FBXL4: variants seen among roughly 807,000 people sequenced by gnomAD.
The protein encoded by FBXL4 is F-box and leucine rich repeat protein 4.
In FBXL4, 40 loss-of-function variants were observed where a neutral mutation model predicts 58.9. The ratio of observed to expected loss-of-function variants is 0.68; its 90% CI spans 0.53 to 0.88. The LOEUF (loss-of-function observed/expected upper bound fraction) is 0.88. Among genes scored for constraint, FBXL4 ranks in the 40% least tolerant of loss-of-function variants. The pLI is 0.00. For missense variants in FBXL4, 676 were observed against 734.4 expected, an observed-to-expected ratio of 0.92 and a Z score of 0.92; for synonymous variants, 263 against 265.5, an observed-to-expected ratio of 0.99 and a Z score of 0.09.
In FBXL4 at chr6:98,869,103, A is replaced by T. The variant is rs1403118868; in HGVS notation, c.*5175T>A. On this transcript the variant is annotated 3_prime_UTR_variant, in exon 10 of 10. Transcript: ENST00000369244. ...TACACTCACAGCCTAGGTTTCTAGTAGTATGTTGTCAAAAAAAGCAAATGA... is the reference window on the plus strand; with the variant it reads ...TACACTCACAGCCTAGGTTTCTAGTTGTATGTTGTCAAAAAAAGCAAATGA... The T allele has an allele frequency of 6.6e-6, 1 of 152,236 alleles. No homozygotes were observed. The highest frequency in any genetic ancestry group is 1.5e-5 in the Non-Finnish European group (1 of 68,046). 9.4% of individuals were successfully genotyped at this position (152,236 alleles called of 1,614,324 possible). A position where few individuals can be genotyped will look rare whatever the true frequency, so the allele number is the denominator to read the frequency against.
At chr6:98,943,213 A>G (rs1773496115) in intron 1 of FBXL4, among the ~76,000 whole-genome samples, 1 of 152,136 alleles carries the variant, frequency 6.6e-6, no homozygotes, top group African/African-American at 2.4e-5. Context: ...TATTTCTTAC[A>G]ACTGTATATG....
intron 3 of FBXL4, 141 bp from the exon 4 acceptor site, chr6:98,927,201 A>T (rs1376921050): frequency 2.1e-6 from 1 of 483,628 alleles, no homozygotes. Flanking sequence ...ACAAATGTGA[A>T]GTCTGGTATA....
At chr6:98,923,592 T>TC (rs994496333) in intron 4 of FBXL4, among the ~76,000 whole-genome samples, 7 of 152,046 alleles carry the variant, frequency 4.6e-5, no homozygotes, top group Non-Finnish European at 8.8e-5. Context: ...GTAAGTCACT[T>TC]CCCCAGGGAA....
chr6:98,944,349 G>T (rs1294796988), intron 1 of FBXL4, among the ~76,000 whole-genome samples: 1 of 152,092 alleles, frequency 6.6e-6, no homozygotes, highest in African/African-American at 2.4e-5. Flanking sequence ...TATGTAAAGA[G>T]CTATTACAAA....
chr6:98,905,638 T>C lies in FBXL4; in HGVS notation c.891A>G (p.Leu297=), dbSNP rs776516268. Reference sequence around the variant, plus strand: ...TCTGTGCTAATCTACACAGGTCTGGTAGTGTAAGATGATTCAGAATCAGCT... The same window carrying C: ...TCTGTGCTAATCTACACAGGTCTGGCAGTGTAAGATGATTCAGAATCAGCT... ...LIQLILNHLT[L]PDLCRLAQTC... The change falls in exon 6 of 10, where the codon CTA becomes CTG. Residue 297 remains leucine (L), a synonymous_variant. Coordinates refer to ENST00000369244, the MANE Select transcript of FBXL4 (RefSeq NM_001278716.2). The C allele has an allele frequency of 3.7e-6, 6 of 1,613,760 alleles. No homozygotes were observed. In the Admixed American group the frequency reaches 5.0e-5, roughly 13 times the overall value.
At chr6:98,915,225 G>A (rs1322442416) in intron 5 of FBXL4, among the ~76,000 whole-genome samples, 4 of 151,486 alleles carry the variant, frequency 2.6e-5, no homozygotes, top group African/African-American at 4.8e-5. Context: ...AATCAATATC[G>A]TGAAAATGGC....
intron 6 of FBXL4, among the ~76,000 whole-genome samples, chr6:98,901,329 G>T (rs1006536330): frequency 1.3e-5 from 2 of 152,052 alleles, no homozygotes; most frequent in African/African-American, 4.8e-5. Flanking sequence ...TCCAGGGCAG[G>T]ATAACAAGCA....
intron 1 of FBXL4, among the ~76,000 whole-genome samples, chr6:98,935,942 A>G (rs1336346631): frequency 6.6e-6 from 1 of 152,228 alleles, no homozygotes; most frequent in Non-Finnish European, 1.5e-5. Flanking sequence ...GAACTTACTG[A>G]AGAAAGAAAA....
Position 98,871,389 on chromosome 6 carries a change from CTTAT to C in FBXL4, c.*2885_*2888del. On this transcript the variant is annotated 3_prime_UTR_variant, in exon 10 of 10. Transcript: ENST00000369244. ...TGTTACTGACACTGCCTAGTTATTG[CTTAT>C]TTGATAAGTCAATGCCAACGTTGAA... The C allele has an allele frequency of 6.6e-6, 1 of 152,256 alleles. No homozygotes were observed. The highest frequency in any genetic ancestry group is 1.5e-5 in the Non-Finnish European group (1 of 68,012). The allele number at this position is 152,256 out of a possible 1,614,324, so 9.4% of individuals were successfully genotyped here.
chr6:98,945,279 T>TG (rs1773579828), intron 1 of FBXL4, among the ~76,000 whole-genome samples: 1 of 152,170 alleles, frequency 6.6e-6, no homozygotes, highest in Non-Finnish European at 1.5e-5. Context: ...AAATAACTTT[T>TG]GGGTTATTCC....
rs752387806 is a variant in FBXL4 at position 98,905,695 on chromosome 6, T to C, written c.859-25A>G. The stretch of plus-strand genomic sequence containing the variant: ...GCTAAATAAGACAGAGAAACCAAGA[T>C]CATCAAGAGTGAAAAGCAGTATCAT... On this transcript the variant is annotated intron_variant, in intron 5 of 9. Transcript: ENST00000369244. 5.0e-6 allele frequency: 8 copies of C among 1,606,276 alleles called. No homozygotes were observed. In the South Asian group the frequency reaches 6.6e-5, roughly 13 times the overall value.
In FBXL4 at chr6:98,917,631, G is replaced by A. The variant is rs746878388; in HGVS notation, c.601C>T (p.Pro201Ser). 6.2e-7 allele frequency: 1 copy of A among 1,613,888 alleles called. No homozygotes were observed. The highest frequency in any genetic ancestry group is 8.5e-7 in the Non-Finnish European group (1 of 1,179,868). Residue 201 changes from proline to serine, a missense_variant, in exon 5 of 10, where the codon CCC becomes TCC. Coordinates refer to ENST00000369244, the MANE Select transcript of FBXL4 (RefSeq NM_001278716.2). Reference sequence around the variant, plus strand: ...ACTTCCAGTCGTATAAGATTTGTGGGGAAATTTATCTGCTTAATACAAGGT... The same window carrying A: ...ACTTCCAGTCGTATAAGATTTGTGGAGAAATTTATCTGCTTAATACAAGGT... ...FKPCIKQINF[P>S]TNLIRLEVNS...
intron 5 of FBXL4, among the ~76,000 whole-genome samples, chr6:98,916,722 G>T (rs934215873): frequency 1.3e-5 from 2 of 151,496 alleles, no homozygotes; most frequent in Non-Finnish European, 2.9e-5. Flanking sequence ...AATGCTAAAT[G>T]ACGAGTTGAT....
chr6:98,944,272 GA>G (rs1169183405), intron 1 of FBXL4, among the ~76,000 whole-genome samples: 1 of 152,110 alleles, frequency 6.6e-6, no homozygotes, highest in Non-Finnish European at 1.5e-5. Flanking sequence ...AAAGCCCCAA[GA>G]AACACTAAAG....
At chr6:98,897,248 G>A (rs1771440973) in intron 7 of FBXL4, 5 of 985,118 alleles carry the variant, frequency 5.1e-6, no homozygotes, top group South Asian at 9.4e-5. Flanking sequence ...TAAAAAGCAG[G>A]TATGGCATAA....
At chr6:98,930,357 G>A (rs927910374) in intron 2 of FBXL4, among the ~76,000 whole-genome samples, 1 of 152,212 alleles carries the variant, frequency 6.6e-6, no homozygotes, top group Non-Finnish European at 1.5e-5. Context: ...CGGGGCGGAA[G>A]TTGCAGTGAG....
At chr6:98,911,834 T>C (rs1421368491) in intron 5 of FBXL4, among the ~76,000 whole-genome samples, 1 of 152,212 alleles carries the variant, frequency 6.6e-6, no homozygotes, top group African/African-American at 2.4e-5. Flanking sequence ...GAGAATGACT[T>C]TGACGACTTG....
Position 98,926,490 on chromosome 6 carries a change from G to T in FBXL4, c.499C>A (p.Pro167Thr). The T allele has an allele frequency of 6.2e-6, 10 of 1,605,484 alleles. No individual in the cohort carries two copies. The highest frequency in any genetic ancestry group is 3.3e-4 in the Middle Eastern group (2 of 6,018). The change falls in exon 4 of 10, where the codon CCA becomes ACA. Residue 167 changes from proline (P) to threonine (T), a missense_variant. Transcript: ENST00000369244. ...AATTAGTCTTACCTTACTTCAGCTG[G>T]TGGATTTGGGGAATAAGGATTTGCA... ...CSANPYSPNP[P>T]AEVRWEILWS...
At chr6:98,923,813 G>A (rs576842153) in intron 4 of FBXL4, among the ~76,000 whole-genome samples, 1 of 152,070 alleles carries the variant, frequency 6.6e-6, no homozygotes, top group Non-Finnish European at 1.5e-5. Context: ...CTGAATCTGG[G>A]CAGAAGAATT....
Sources: gnomAD v4.1 joint callset for allele counts (sites outside exome capture counted in the v4.1 genomes callset) on GRCh38, gnomAD v4.1.1 for gene constraint, MANE v1.5 for transcripts, NCBI Gene and HGNC (gene_info 2026-07-23, HGNC 2026-07-21) for gene names.